The following GRID2 variants were observed in gnomAD, a reference collection of about 807,000 sequenced individuals.
GRID2 encodes glutamate receptor ionotropic, delta-2.
A neutral mutation model predicts 114.8 loss-of-function variants in GRID2; 33 were observed. The ratio of observed to expected loss-of-function variants is 0.29; its 90% CI spans 0.22 to 0.38. The LOEUF (loss-of-function observed/expected upper bound fraction) is 0.38. Among genes scored for constraint, GRID2 ranks in the 10% least tolerant of loss-of-function variants. The pLI is 1.00. For missense variants in GRID2, 1,184 were observed against 1,257.7 expected, an observed-to-expected ratio of 0.94 and a Z score of 0.89; for synonymous variants, 505 against 449.9, an observed-to-expected ratio of 1.12 and a Z score of -1.55.
At chr4:93,622,157 G>C (rs1385781227) in intron 13 of GRID2, among the ~76,000 whole-genome samples, 1 of 152,068 alleles carries the variant, frequency 6.6e-6, no homozygotes, top group Non-Finnish European at 1.5e-5. Context: ...TAGACCTAGG[G>C]AGCTATAAGC....
At chr4:93,309,242 T>C (rs899882201) in intron 8 of GRID2, among the ~76,000 whole-genome samples, 3 of 152,118 alleles carry the variant, frequency 2.0e-5, no homozygotes, top group Non-Finnish European at 4.4e-5. Flanking sequence ...TTTTCAAGAA[T>C]TAATGAATGA....
At chr4:92,769,549 G>A (rs1738437371) in intron 2 of GRID2, among the ~76,000 whole-genome samples, 1 of 152,162 alleles carries the variant, frequency 6.6e-6, no homozygotes, top group Admixed American at 6.5e-5. Flanking sequence ...TTCTCCATGA[G>A]AGCACCATCC....
intron 2 of GRID2, among the ~76,000 whole-genome samples, chr4:92,731,950 A>G (rs904180870): frequency 6.6e-6 from 1 of 151,916 alleles, no homozygotes; most frequent in Non-Finnish European, 1.5e-5. Flanking sequence ...ATTACCTATA[A>G]TTTTTTTAAA....
chr4:92,493,107 G>A lies in GRID2; in HGVS notation c.89-97024G>A, dbSNP rs1181493792. 5.4e-5 allele frequency among the ~76,000 whole-genome samples: 7 copies of A among 130,368 alleles called. No individual in the cohort carries two copies. The Admixed American group carries it at 6.1e-4, about 11-fold the overall frequency. 85.5% of individuals were successfully genotyped at this position (130,368 alleles called of 152,430 possible). A position where few individuals can be genotyped will look rare whatever the true frequency, so the allele number is the denominator to read the frequency against. ...TCATGCCACTGCACTCCAGCCGGGG[G>A]ACAGAGCAAGACTCCATCTCAAAAA... On this transcript the variant is annotated intron_variant, in intron 1 of 15. Transcript: ENST00000282020.
At chr4:93,778,073 G>A (rs901824324), downstream of GRID2, among the ~76,000 whole-genome samples, 4 of 152,080 alleles carry the variant, frequency 2.6e-5, no homozygotes, top group Admixed American at 6.5e-5. Context: ...TTCATAGTAG[G>A]AGACCTTTAA....
intron 2 of GRID2, among the ~76,000 whole-genome samples, chr4:92,855,073 T>G (rs1744081660): frequency 6.6e-6 from 1 of 152,090 alleles, no homozygotes. Flanking sequence ...TAAAAAGCCA[T>G]TTTGAAACTA....
At chr4:92,446,493 C>G (rs1438538046) in intron 1 of GRID2, among the ~76,000 whole-genome samples, 1 of 152,208 alleles carries the variant, frequency 6.6e-6, no homozygotes, top group Admixed American at 6.5e-5. Context: ...GCTTTGCAGA[C>G]TTCTGTGTGG....
chr4:93,594,849 G>A (rs1230622503), intron 13 of GRID2, among the ~76,000 whole-genome samples: 2 of 152,184 alleles, frequency 1.3e-5, no homozygotes, highest in Non-Finnish European at 2.9e-5. Flanking sequence ...TCTTTGATTA[G>A]GAAAGGGAAC....
intron 1 of GRID2, among the ~76,000 whole-genome samples, chr4:92,533,182 G>GTTTTTTTTTTTTTTTT: frequency 6.9e-6 from 1 of 145,176 alleles, no homozygotes. Flanking sequence ...CAACTTTGGT[G>GTTTTTTTTTTTTTTTT]TGTTTTTTTG....
intron 8 of GRID2, among the ~76,000 whole-genome samples, chr4:93,304,341 A>G (rs749658190): frequency 6.6e-6 from 1 of 151,100 alleles, no homozygotes; most frequent in Non-Finnish European, 1.5e-5. Flanking sequence ...AGGAAATTGT[A>G]GAAAAAGAAT....
chr4:93,547,780 C>G (rs1277264158), intron 13 of GRID2, among the ~76,000 whole-genome samples: 1 of 152,138 alleles, frequency 6.6e-6, no homozygotes, highest in Non-Finnish European at 1.5e-5. Context: ...TAAGTAGGAG[C>G]TTGTCTTTTA....
intron 8 of GRID2, among the ~76,000 whole-genome samples, chr4:93,321,547 C>T (rs547108044): frequency 1.3e-5 from 2 of 151,964 alleles, no homozygotes; most frequent in Admixed American, 6.6e-5. Flanking sequence ...TAAAAATACA[C>T]GATTTCATGA....
At chr4:92,555,942 C>A (rs560814502) in intron 1 of GRID2, among the ~76,000 whole-genome samples, 6 of 152,016 alleles carry the variant, frequency 3.9e-5, no homozygotes, top group African/African-American at 1.4e-4. Flanking sequence ...GAGAGAATTC[C>A]TAGATTTCAA....
At chr4:93,615,101 A>G (rs1168208124) in intron 13 of GRID2, among the ~76,000 whole-genome samples, 1 of 152,146 alleles carries the variant, frequency 6.6e-6, no homozygotes, top group Non-Finnish European at 1.5e-5. Context: ...CAAGCTAAAT[A>G]TACTCTTAAC....
At chr4:93,137,151 G>A (rs1183593128) in intron 4 of GRID2, among the ~76,000 whole-genome samples, 4 of 152,016 alleles carry the variant, frequency 2.6e-5, no homozygotes, top group Non-Finnish European at 4.4e-5. Flanking sequence ...GTTGATATTC[G>A]CCAAGTCATG....
chr4:92,544,875 A>G lies in GRID2; in HGVS notation c.89-45256A>G, dbSNP rs192439918. ...ATTTGAGCAATATAGCTTCATCTAAATCATGCCGCATTCTTATGTTCAATG... is the reference window on the plus strand; with the variant it reads ...ATTTGAGCAATATAGCTTCATCTAAGTCATGCCGCATTCTTATGTTCAATG... On this transcript the variant is annotated intron_variant, in intron 1 of 15. Coordinates refer to ENST00000282020, the MANE Select transcript of GRID2 (RefSeq NM_001510.4). Among the ~76,000 whole-genome samples, 98 of 152,272 alleles carry G rather than the reference A, an allele frequency of 6.4e-4. 1 individual carries two copies. Among genetic ancestry groups the G allele is most frequent in the African/African-American group, 2.2e-3 (93 of 41,552 alleles).
rs61653263 is a variant in GRID2 at position 92,548,401 on chromosome 4, A to ATTTTTTTTTTTTTTTTTTTTTTT, written c.89-41712_89-41711insTTTTTTTTTTTTTTTTTTTTTTT. 2.1e-3 allele frequency among the ~76,000 whole-genome samples: 129 copies of ATTTTTTTTTTTTTTTTTTTTTTT among 60,788 alleles called. 49 individuals are homozygous for ATTTTTTTTTTTTTTTTTTTTTTT. The highest frequency in any genetic ancestry group is 6.7e-3 in the African/African-American group (79 of 11,756). 39.9% of individuals were successfully genotyped at this position (60,788 alleles called of 152,430 possible). Reference sequence around the variant, plus strand: ...ATGAAGACATTTCTGAGACTGTGTAATTTTTTTTTTTTTTTTTTGAGACAG... The same window carrying ATTTTTTTTTTTTTTTTTTTTTTT: ...ATGAAGACATTTCTGAGACTGTGTAATTTTTTTTTTTTTTTTTTTTTTTTTTTTTTTTTTTTTTTTTGAGACAG... On this transcript the variant is annotated intron_variant, in intron 1 of 15. Transcript: ENST00000282020.
chr4:93,755,169 G>A (rs1338394297), intron 14 of GRID2, among the ~76,000 whole-genome samples: 1 of 152,124 alleles, frequency 6.6e-6, no homozygotes. Context: ...AGAAAGGTAG[G>A]CTATTCCTTT....
chr4:92,809,312 T>C (rs1740557560), intron 2 of GRID2, among the ~76,000 whole-genome samples: 1 of 151,948 alleles, frequency 6.6e-6, no homozygotes, highest in African/African-American at 2.4e-5. Flanking sequence ...TGAACCTGCA[T>C]AAAAAATTCT....
Sources: allele counts gnomAD v4.1 joint callset (sites outside exome capture counted in the v4.1 genomes callset), GRCh38; gene constraint gnomAD v4.1.1; transcripts MANE v1.5; gene names NCBI Gene and HGNC (gene_info 2026-07-23, HGNC 2026-07-21).